CHPT1: variants seen among roughly 807,000 people sequenced by gnomAD.
The protein encoded by CHPT1 is choline phosphotransferase 1.
In CHPT1, 36 loss-of-function variants were observed where a neutral mutation model predicts 47.6. The ratio of observed to expected loss-of-function variants is 0.76; its 90% CI spans 0.58 to 1.00. The LOEUF is 1.00. CHPT1 is among the 50% of genes least tolerant of loss of function. CHPT1 has a pLI of 0.00. For synonymous variants in CHPT1, 194 were observed against 186.3 expected (o/e 1.04, Z -0.33); for missense variants, 458 against 498.1 (o/e 0.92, Z 0.77).
At chr12:101,707,083 G>A (rs1259171657) in intron 1 of CHPT1, among the ~76,000 whole-genome samples, 3 of 152,218 alleles carry the variant, frequency 2.0e-5, no homozygotes, top group Non-Finnish European at 2.9e-5. Flanking sequence ...TTTTAAGGGA[G>A]TAGGTAGGAA....
intron 8 of CHPT1, 83 bp from the exon 9 acceptor site, chr12:101,728,818 G>A (rs1594156057): frequency 6.6e-7 from 1 of 1,509,706 alleles, no homozygotes; most frequent in East Asian, 2.3e-5. Context: ...ACAGGTTTAT[G>A]ATTAAAGATG....
At chr12:101,719,136 C>T (rs544278758) in intron 4 of CHPT1, among the ~76,000 whole-genome samples, 20 of 117,854 alleles carry the variant, frequency 1.7e-4, no homozygotes, top group Admixed American at 8.1e-4. Context: ...CAGCCCTGGG[C>T]GACAAGAGAC....
In CHPT1 at chr12:101,710,104, G is replaced by A. The variant is rs1951685778; in HGVS notation, c.274-3986G>A. On this transcript the variant is annotated intron_variant, in intron 1 of 8. Coordinates refer to ENST00000229266, the MANE Select transcript of CHPT1 (RefSeq NM_020244.3). ...TCACGCCTGTAATCCCAGCACTTTGGGAGGCTGAGGCAGGTGGATCATTTA... is the reference window on the plus strand; with the variant it reads ...TCACGCCTGTAATCCCAGCACTTTGAGAGGCTGAGGCAGGTGGATCATTTA... Among the ~76,000 whole-genome samples, 2 of 149,176 alleles carry A rather than the reference G, an allele frequency of 1.3e-5. 1 individual carries two copies. Among genetic ancestry groups the A allele is most frequent in the Non-Finnish European group, 3.0e-5 (2 of 66,606 alleles).
chr12:101,719,798 A>G (rs1951820328), intron 4 of CHPT1: 1 of 238,264 alleles, frequency 4.2e-6, no homozygotes. Context: ...TTCAAAAAAA[A>G]GTCACTTTAG....
chr12:101,698,797 A>G (rs1422478465), intron 1 of CHPT1, among the ~76,000 whole-genome samples: 1 of 152,192 alleles, frequency 6.6e-6, no homozygotes, highest in Non-Finnish European at 1.5e-5. Context: ...CCTTTGTACA[A>G]AATAAGGAGT....
chr12:101,725,801 G>T (rs1449303036), intron 7 of CHPT1, among the ~76,000 whole-genome samples: 5 of 152,060 alleles, frequency 3.3e-5, no homozygotes, highest in Admixed American at 3.3e-4. Flanking sequence ...GTAGACTCTG[G>T]GCAAAGTTTC....
intron 4 of CHPT1, among the ~76,000 whole-genome samples, chr12:101,717,688 C>T (rs1022232855): frequency 6.6e-6 from 1 of 152,020 alleles, no homozygotes; most frequent in African/African-American, 2.4e-5. Context: ...TATGTAATCA[C>T]TAAGCTATAT....
At chr12:101,725,139 C>T (rs1951921869) in intron 7 of CHPT1, among the ~76,000 whole-genome samples, 2 of 152,068 alleles carry the variant, frequency 1.3e-5, no homozygotes, top group African/African-American at 4.8e-5. Context: ...GCATGGATTA[C>T]AGGAGTACAT....
chr12:101,719,156 GA>G (rs779382436), intron 4 of CHPT1, among the ~76,000 whole-genome samples: 38 of 95,042 alleles, frequency 4.0e-4, no homozygotes, highest in South Asian at 7.3e-4. Flanking sequence ...CTCGTCTCAA[GA>G]AAAAAAAAAA....
At chr12:101,721,892 C>G (rs1250698464) in intron 5 of CHPT1, among the ~76,000 whole-genome samples, 1 of 152,020 alleles carries the variant, frequency 6.6e-6, no homozygotes, top group Non-Finnish European at 1.5e-5. Context: ...AACCCTGTCT[C>G]TACTAAAAAT....
chr12:101,718,906 G>A (rs1043382599), intron 4 of CHPT1, among the ~76,000 whole-genome samples: 1 of 151,766 alleles, frequency 6.6e-6, no homozygotes, highest in Non-Finnish European at 1.5e-5. Context: ...TTCAGGTTGT[G>A]CCCGTAAGAA....
chr12:101,728,005 T>G (rs1952008328), intron 8 of CHPT1: 1 of 152,230 alleles, frequency 6.6e-6, no homozygotes, highest in Non-Finnish European at 1.5e-5. Flanking sequence ...ATCCCAGCAC[T>G]TTGGGAGGCC....
intron 1 of CHPT1, among the ~76,000 whole-genome samples, chr12:101,703,166 C>A (rs909913168): frequency 2.0e-5 from 3 of 152,100 alleles, no homozygotes; most frequent in Non-Finnish European, 4.4e-5. Context: ...ACAACCAGAC[C>A]ACTTGGGTTT....
intron 5 of CHPT1, among the ~76,000 whole-genome samples, chr12:101,721,388 T>C (rs2137025353): frequency 6.6e-6 from 1 of 152,306 alleles, no homozygotes; most frequent in African/African-American, 2.4e-5. Flanking sequence ...TTTAAAGTCA[T>C]TTGGAGCAAG....
At chr12:101,724,378 C>G (rs924189728) in intron 7 of CHPT1, among the ~76,000 whole-genome samples, 17 of 152,166 alleles carry the variant, frequency 1.1e-4, no homozygotes, top group African/African-American at 4.1e-4. Flanking sequence ...CTTGGAAACA[C>G]AACTGTGTAC....
At chr12:101,713,040 C>T (rs1467376399) in intron 1 of CHPT1, among the ~76,000 whole-genome samples, 1 of 148,222 alleles carries the variant, frequency 6.7e-6, no homozygotes, top group East Asian at 2.0e-4. Context: ...AGTTAAGTTG[C>T]CAGGAATTAC....
In CHPT1 at chr12:101,714,637, A is replaced by G. The variant is rs368684280; in HGVS notation, c.555A>G (p.Arg185=). 36 of 1,600,124 alleles carry G rather than the reference A, an allele frequency of 2.2e-5. No homozygotes were observed. The African/African-American group carries it at 4.3e-4, about 19-fold the overall frequency. Residue 185 remains arginine, a synonymous_variant, in exon 3 of 9, where the codon AGA becomes AGG. Coordinates refer to ENST00000229266, the MANE Select transcript of CHPT1 (RefSeq NM_020244.3). ...HWQTYVSGML[R]FGKVDVTEIQ... ...AGACTTATGTTTCAGGCATGTTGAG[A>G]TTTGGAAAGTAAGTATGCTTTTTAA... is the stretch of plus-strand genomic sequence containing the variant.
At chr12:101,709,274 GT>G (rs1951673740) in intron 1 of CHPT1, among the ~76,000 whole-genome samples, 1 of 146,482 alleles carries the variant, frequency 6.8e-6, no homozygotes, top group Non-Finnish European at 1.5e-5. Flanking sequence ...GTGCACACCT[GT>G]AGTGTCCTAG....
chr12:101,700,736 C>T (rs1175687061), intron 1 of CHPT1, among the ~76,000 whole-genome samples: 1 of 152,198 alleles, frequency 6.6e-6, no homozygotes, highest in African/African-American at 2.4e-5. Context: ...AAGAGGTTAG[C>T]AAGTTTTCCG....
Sources: allele counts gnomAD v4.1 joint callset (sites outside exome capture counted in the v4.1 genomes callset), GRCh38; gene constraint gnomAD v4.1.1; transcripts MANE v1.5; gene names NCBI Gene and HGNC (gene_info 2026-07-23, HGNC 2026-07-21).